ADAMTSL3: variants seen among roughly 807,000 people sequenced by gnomAD.
The protein encoded by ADAMTSL3 is ADAMTS-like protein 3.
ADAMTSL3 carries 128 observed loss-of-function variants against 201.7 expected under a neutral mutation model. The observed-to-expected ratio is 0.63, with a 90% CI of 0.55 to 0.73. The LOEUF (loss-of-function observed/expected upper bound fraction) is 0.73. Among genes scored for constraint, ADAMTSL3 ranks in the 30% least tolerant of loss-of-function variants. The pLI, the probability that ADAMTSL3 is intolerant of heterozygous loss-of-function variation, is 0.00. For missense variants in ADAMTSL3, 1,990 were observed against 2,119.6 expected, an observed-to-expected ratio of 0.94 and a Z score of 1.20; for synonymous variants, 738 against 748.4, an observed-to-expected ratio of 0.99 and a Z score of 0.23.
rs569542984 is a variant in ADAMTSL3, at chr15:83,886,872, G to A, written c.1072+1660G>A. Among the ~76,000 whole-genome samples the A allele has an allele frequency of 2.6e-5, 4 of 152,326 alleles. No homozygotes were observed. The East Asian group carries it at 7.7e-4, about 29-fold the overall frequency. On this transcript the variant is annotated intron_variant, in intron 10 of 29. Transcript: ENST00000286744. ...GCACTTTTTTGGGAAGCACTGGGCA[G>A]CCCAGGCCCAAGAAGAAGTTTATGT...
chr15:83,779,445 TC>T (rs1383336293), intron 4 of ADAMTSL3, among the ~76,000 whole-genome samples: 7 of 152,046 alleles, frequency 4.6e-5, no homozygotes, highest in African/African-American at 1.7e-4. Flanking sequence ...ATGCCTGTAA[TC>T]CCAGCACTTT....
intron 3 of ADAMTSL3, among the ~76,000 whole-genome samples, chr15:83,734,087 T>A (rs540051186): frequency 4.3e-4 from 65 of 152,198 alleles, no homozygotes; most frequent in Non-Finnish European, 7.6e-4. Flanking sequence ...TTTATAATGA[T>A]GCTTTGCAGC....
chr15:83,705,870 C>T (rs2061843776), intron 3 of ADAMTSL3, among the ~76,000 whole-genome samples: 1 of 152,150 alleles, frequency 6.6e-6, no homozygotes, highest in Non-Finnish European at 1.5e-5. Context: ...AGACCAATTT[C>T]TTACTCAAAA....
At chr15:83,923,587 A>G (rs1301840690) in intron 16 of ADAMTSL3, among the ~76,000 whole-genome samples, 2 of 152,204 alleles carry the variant, frequency 1.3e-5, no homozygotes, top group African/African-American at 4.8e-5. Flanking sequence ...CCTAGCTTTG[A>G]GTACATTTGG....
intron 3 of ADAMTSL3, among the ~76,000 whole-genome samples, chr15:83,767,291 G>C (rs749606687): frequency 6.6e-6 from 1 of 152,198 alleles, no homozygotes; most frequent in Non-Finnish European, 1.5e-5. Flanking sequence ...CTTGCGTTAT[G>C]TAGGACAAGC....
At chr15:83,984,417 G>GTC (rs2067439781) in intron 21 of ADAMTSL3, among the ~76,000 whole-genome samples, 1 of 152,112 alleles carries the variant, frequency 6.6e-6, no homozygotes, top group Non-Finnish European at 1.5e-5. Flanking sequence ...TCTTAAAAAG[G>GTC]TAGAAAAAAT....
chr15:83,665,862 T>G (rs937500806), intron 2 of ADAMTSL3, among the ~76,000 whole-genome samples: 1 of 152,210 alleles, frequency 6.6e-6, no homozygotes, highest in African/African-American at 2.4e-5. Context: ...GGTATTTTAT[T>G]TTGAAAATAA....
intron 2 of ADAMTSL3, among the ~76,000 whole-genome samples, chr15:83,659,678 A>C (rs2061137156): frequency 6.6e-6 from 1 of 152,192 alleles, no homozygotes; most frequent in Non-Finnish European, 1.5e-5. Context: ...TTATATGGCA[A>C]AAAGGACTTG....
intron 3 of ADAMTSL3, among the ~76,000 whole-genome samples, chr15:83,732,508 C>T (rs188388308): frequency 6.6e-6 from 1 of 152,076 alleles, no homozygotes; most frequent in Non-Finnish European, 1.5e-5. Flanking sequence ...TTTGATTTTC[C>T]CAGAAAATTC....
chr15:83,960,175 T>C (rs2066938602), intron 19 of ADAMTSL3, among the ~76,000 whole-genome samples: 1 of 152,160 alleles, frequency 6.6e-6, no homozygotes, highest in Non-Finnish European at 1.5e-5. Flanking sequence ...TAATTAGGGC[T>C]TTCTGTTAAA....
intron 3 of ADAMTSL3, among the ~76,000 whole-genome samples, chr15:83,724,036 ACTC>A (rs1428600108): frequency 6.7e-6 from 1 of 148,832 alleles, no homozygotes; most frequent in South Asian, 2.2e-4. Context: ...ACTTTTTTCT[ACTC>A]CTGGTTCTGA....
At chr15:83,935,279 C>G (rs1256620416) in intron 17 of ADAMTSL3, among the ~76,000 whole-genome samples, 1 of 152,052 alleles carries the variant, frequency 6.6e-6, no homozygotes, top group East Asian at 1.9e-4. Context: ...GTGACAGATT[C>G]AGAAAAAAGT....
Position 84,034,659 on chromosome 15 carries a change from G to C in ADAMTSL3, c.4755-2114G>C, listed in dbSNP as rs187608394. Among the ~76,000 whole-genome samples the C allele has an allele frequency of 2.0e-5, 3 of 152,288 alleles. No individual in the cohort carries two copies. The East Asian group carries it at 5.8e-4, about 29-fold the overall frequency. On this transcript the variant is annotated intron_variant, in intron 28 of 29. Transcript: ENST00000286744. ...GGGCCTCACCTCAGGCAGTGAATCA[G>C]AACCTTCATGAGATTGCCTGGCCAT...
At chr15:83,724,167 C>T (rs1009558057) in intron 3 of ADAMTSL3, among the ~76,000 whole-genome samples, 2 of 151,710 alleles carry the variant, frequency 1.3e-5, no homozygotes, top group Non-Finnish European at 2.9e-5. Context: ...GATGCAATCT[C>T]GGCTCACTGC....
At chr15:83,852,677 T>C (rs548946939) in intron 7 of ADAMTSL3, among the ~76,000 whole-genome samples, 1 of 152,220 alleles carries the variant, frequency 6.6e-6, no homozygotes, top group Admixed American at 6.5e-5. Context: ...TTCTTACTGA[T>C]TTGTAAACAC....
Position 83,897,928 on chromosome 15 carries a change from T to C in ADAMTSL3, c.1538T>C (p.Val513Ala), listed in dbSNP as rs2065649890. Residue 513 changes from valine (V) to alanine (A), a missense_variant, in exon 14 of 30, where the codon GTT (valine) becomes GCT (alanine). By Grantham distance (64) the Val-to-Ala change is moderately conservative. Coordinates refer to ENST00000286744, the MANE Select transcript of ADAMTSL3 (RefSeq NM_207517.3). The part of the protein sequence containing the change: ...VLCINHRGEH[V>A]GGCNPQLKLH... ...TGTATTAACCACCGCGGAGAGCATG[T>C]TGGGGGCTGCAATCCACAACTGAAG... 1 of 1,613,948 alleles carries C rather than the reference T, an allele frequency of 6.2e-7. No individual in the cohort carries two copies. The highest frequency in any genetic ancestry group is 1.3e-5 in the African/African-American group (1 of 75,038).
intron 5 of ADAMTSL3, among the ~76,000 whole-genome samples, chr15:83,812,082 A>G (rs986375537): frequency 6.6e-6 from 1 of 152,248 alleles, no homozygotes; most frequent in Non-Finnish European, 1.5e-5. Context: ...GTTGAGTGCC[A>G]TAAGTGGATG....
At chr15:84,035,072 T>G (rs1008247720) in intron 28 of ADAMTSL3, among the ~76,000 whole-genome samples, 2 of 152,164 alleles carry the variant, frequency 1.3e-5, no homozygotes, top group Admixed American at 6.5e-5. Context: ...TACTGTATCC[T>G]TAGTGAGCAG....
chr15:83,988,896 T>TATTTATTTATTTATTTAC (rs2067533779), intron 22 of ADAMTSL3, 78 bp downstream of exon 22: 1 of 943,884 alleles, frequency 1.1e-6, no homozygotes, highest in African/African-American at 1.8e-5. Context: ...TATTTTTTTT[T>TATTTATTTATTTATTTAC]TTTGAGACAG....
Sources: gnomAD v4.1 joint callset for allele counts (sites outside exome capture counted in the v4.1 genomes callset) on GRCh38, gnomAD v4.1.1 for gene constraint, MANE v1.5 for transcripts, NCBI Gene and HGNC (gene_info 2026-07-23, HGNC 2026-07-21) for gene names.